NFIA: variants seen among roughly 807,000 people sequenced by gnomAD.
NFIA encodes the protein nuclear factor 1 A-type.
NFIA carries 8 observed loss-of-function variants against 62.8 expected under a neutral mutation model. The observed-to-expected ratio is 0.13, with a 90% CI of 0.07 to 0.23. The LOEUF (loss-of-function observed/expected upper bound fraction) is 0.23, where lower values mean the gene tolerates loss of function less well. NFIA is among the 10% of genes least tolerant of loss of function. The pLI, the probability that NFIA is intolerant of heterozygous loss-of-function variation, is 1.00. For synonymous variants in NFIA, 235 were observed against 238.1 expected, an observed-to-expected ratio of 0.99 and a Z score of 0.12; for missense variants, 410 against 642.1, an observed-to-expected ratio of 0.64 and a Z score of 3.91.
At chr1:61,105,513 A>T (rs926542043) in intron 2 of NFIA, among the ~76,000 whole-genome samples, 1 of 152,022 alleles carries the variant, frequency 6.6e-6, no homozygotes, top group Non-Finnish European at 1.5e-5. Flanking sequence ...AAATGAATTC[A>T]TGGCCTTTCT....
At chr1:61,106,117 A>G (rs1026074946) in intron 2 of NFIA, among the ~76,000 whole-genome samples, 32 of 151,352 alleles carry the variant, frequency 2.1e-4, no homozygotes, top group African/African-American at 7.5e-4. Flanking sequence ...CTATCTATCT[A>G]TCTATCTATC....
At chr1:61,350,232 A>T (rs1166979094) in intron 4 of NFIA, among the ~76,000 whole-genome samples, 1 of 152,178 alleles carries the variant, frequency 6.6e-6, no homozygotes, top group Non-Finnish European at 1.5e-5. Flanking sequence ...ACTATATTAG[A>T]TGCTGACAGT....
chr1:61,414,271 C>T (rs562158234), intron 9 of NFIA, among the ~76,000 whole-genome samples: 69 of 152,360 alleles, frequency 4.5e-4, no homozygotes, highest in African/African-American at 1.5e-3. Flanking sequence ...GCATTAGCCA[C>T]TGTGCCCAGC....
In NFIA at chr1:61,088,048, A is replaced by G. The variant is rs1266218506; in HGVS notation, c.28-101A>G. On this transcript the variant is annotated intron_variant, in intron 1 of 10. Transcript: ENST00000403491. This position sits in a 1 kb window ranked among gnomAD's most constrained non-coding sequence, Gnocchi z 4.5. ...AACAGAATGCTCTAATCAAATTTCA[A>G]GTGAAATGAGGAATTTCTTTCTTAA... is the stretch of plus-strand genomic sequence containing the variant. 9.0e-6 allele frequency: 11 copies of G among 1,221,796 alleles called. No homozygotes were observed. Among genetic ancestry groups the G allele is most frequent in the East Asian group, 2.4e-5 (1 of 42,072 alleles). The allele number at this position is 1,221,796 out of a possible 1,614,324, so 75.7% of individuals were successfully genotyped here.
chr1:61,438,391 A>G (rs931416835), intron 10 of NFIA, among the ~76,000 whole-genome samples: 7 of 152,190 alleles, frequency 4.6e-5, no homozygotes, highest in African/African-American at 1.4e-4. Flanking sequence ...GGTGCTGCTC[A>G]TTTATCTTTA....
chr1:61,280,094 T>C (rs1025776745), intron 3 of NFIA, among the ~76,000 whole-genome samples: 1 of 152,190 alleles, frequency 6.6e-6, no homozygotes, highest in African/African-American at 2.4e-5. Context: ...GCCTACTCAG[T>C]TTTCTGCCTC....
Position 61,455,534 on chromosome 1 carries a change from T to G in NFIA, c.*214T>G, listed in dbSNP as rs1044485838. 2.3e-5 allele frequency: 15 copies of G among 642,570 alleles called. No homozygotes were observed. The highest frequency in any genetic ancestry group is 3.4e-5 in the Non-Finnish European group (13 of 378,526). 39.8% of individuals were successfully genotyped at this position (642,570 alleles called of 1,614,324 possible). A position where few individuals can be genotyped will look rare whatever the true frequency, so the allele number is the denominator to read the frequency against. On this transcript the variant is annotated 3_prime_UTR_variant, in exon 11 of 11. Coordinates refer to ENST00000403491, the MANE Select transcript of NFIA (RefSeq NM_001134673.4). ...TGGGATTTTTTTTTTTTTAAAATACTTTAGGGACTGTTGTAATTTCTCATA... is the reference window on the plus strand; with the variant it reads ...TGGGATTTTTTTTTTTTTAAAATACGTTAGGGACTGTTGTAATTTCTCATA...
chr1:61,277,315 C>T (rs1032817588), intron 2 of NFIA, among the ~76,000 whole-genome samples: 23 of 152,244 alleles, frequency 1.5e-4, no homozygotes, highest in Middle Eastern at 3.4e-3. Context: ...CAAACCGGAG[C>T]GTCCTCTCTA....
chr1:61,384,367 G>A (rs1557747134), intron 7 of NFIA, among the ~76,000 whole-genome samples: 2 of 152,084 alleles, frequency 1.3e-5, no homozygotes, highest in African/African-American at 2.4e-5. Context: ...AGGGCTGTCC[G>A]GTGCACACAT....
At chr1:61,263,192 A>G (rs1162139154) in intron 2 of NFIA, among the ~76,000 whole-genome samples, 1 of 152,246 alleles carries the variant, frequency 6.6e-6, no homozygotes, top group Non-Finnish European at 1.5e-5. Context: ...AAATTAAAAC[A>G]GGACAGAGTT....
At chr1:61,342,839 C>G (rs1662001707) in intron 4 of NFIA, among the ~76,000 whole-genome samples, 1 of 152,124 alleles carries the variant, frequency 6.6e-6, no homozygotes, top group Admixed American at 6.6e-5. Flanking sequence ...ACATTCAAGC[C>G]CTTCTTCTGT....
chr1:61,298,347 C>T (rs907561445), intron 3 of NFIA, among the ~76,000 whole-genome samples: 1 of 151,932 alleles, frequency 6.6e-6, no homozygotes, highest in Admixed American at 6.6e-5. Context: ...AAGTATACCT[C>T]TTTTTTTAAA....
intron 5 of NFIA, among the ~76,000 whole-genome samples, chr1:61,354,185 C>T (rs1422016640): frequency 6.6e-6 from 1 of 152,158 alleles, no homozygotes; most frequent in Non-Finnish European, 1.5e-5. Context: ...CAGTGTCGTT[C>T]TCATATTCTG....
rs1195503644 is a variant in NFIA, at chr1:61,459,262, G to GTTTT, written c.*3945_*3948dup. 2.7e-5 allele frequency: 4 copies of GTTTT among 146,440 alleles called. No individual in the cohort carries two copies. Among genetic ancestry groups the GTTTT allele is most frequent in the African/African-American group, 1.1e-4 (4 of 36,158 alleles). 9.1% of individuals were successfully genotyped at this position (146,440 alleles called of 1,614,324 possible). On this transcript the variant is annotated 3_prime_UTR_variant, in exon 11 of 11. Transcript: ENST00000403491. The stretch of plus-strand genomic sequence containing the variant: ...AAAGATGAGTCCCTCAAATTTCTGT[G>GTTTT]TTTTTTGTTTGTTTGTTTGTTTGTT...
At chr1:61,306,294 T>TTTTTTTTTTTTTTA (rs748026405) in intron 3 of NFIA, among the ~76,000 whole-genome samples, 1 of 109,750 alleles carries the variant, frequency 9.1e-6, no homozygotes, top group African/African-American at 3.6e-5. Flanking sequence ...TTTTTTTTTT[T>TTTTTTTTTTTTTTA]AAGACAGAGT....
intron 2 of NFIA, among the ~76,000 whole-genome samples, chr1:61,104,243 T>C (rs1329494260): frequency 2.6e-5 from 4 of 152,126 alleles, no homozygotes; most frequent in Non-Finnish European, 5.9e-5. Context: ...AGTGTCTTGC[T>C]GTGCAGGAAA....
intron 4 of NFIA, among the ~76,000 whole-genome samples, chr1:61,346,004 G>T (rs1044658246): frequency 2.0e-5 from 3 of 152,080 alleles, no homozygotes; most frequent in African/African-American, 7.2e-5. Flanking sequence ...GAGTTCCAGT[G>T]ACTTAATCAA....
Position 61,462,064 on chromosome 1 carries a change from T to TTTTTTTTTTTTTTTTTTG in NFIA, c.*6749_*6750insTTTTTTTTTTTTGTTTTT, listed in dbSNP as rs1668564644. 1 of 145,528 alleles carries TTTTTTTTTTTTTTTTTTG rather than the reference T, an allele frequency of 6.9e-6. No homozygotes were observed. The highest frequency in any genetic ancestry group is 1.5e-5 in the Non-Finnish European group (1 of 66,834). The allele number at this position is 145,528 out of a possible 1,614,324, so 9.0% of individuals were successfully genotyped here. ...TTTTGGCTTTTTTTTTTGTTTGTTT[T>TTTTTTTTTTTTTTTTTTG]TTTTTCTTTTGACATTGCAACCGAA... On this transcript the variant is annotated 3_prime_UTR_variant, in exon 11 of 11. Coordinates refer to ENST00000403491, the MANE Select transcript of NFIA (RefSeq NM_001134673.4).
intron 2 of NFIA, among the ~76,000 whole-genome samples, chr1:61,147,631 C>T (rs1035139589): frequency 1.3e-5 from 2 of 152,054 alleles, no homozygotes; most frequent in Admixed American, 1.3e-4. Flanking sequence ...CATTTTGCCT[C>T]TTTTTAACAG....
Sources: allele counts gnomAD v4.1 joint callset (sites outside exome capture counted in the v4.1 genomes callset), GRCh38; gene constraint gnomAD v4.1.1; non-coding constraint Gnocchi (gnomAD v3.1); transcripts MANE v1.5; gene names NCBI Gene and HGNC (gene_info 2026-07-23, HGNC 2026-07-21).